SRPK1: variants seen among roughly 807,000 people sequenced by gnomAD.
SRPK1 encodes the protein SRSF protein kinase 1, also known as SFRS protein kinase 1.
SRPK1 carries 52 observed loss-of-function variants against 89.5 expected under a neutral mutation model. The ratio of observed to expected loss-of-function variants is 0.58; its 90% CI spans 0.46 to 0.73. The LOEUF (loss-of-function observed/expected upper bound fraction) is 0.73. Among genes scored for constraint, SRPK1 ranks in the 30% least tolerant of loss-of-function variants. SRPK1 has a pLI of 0.00. For missense variants in SRPK1, 603 were observed against 780.6 expected, an observed-to-expected ratio of 0.77 and a Z score of 2.71; for synonymous variants, 255 against 270.2, an observed-to-expected ratio of 0.94 and a Z score of 0.55.
chr6:35,886,914 C>A, intron 5 of SRPK1, 103 bp from the exon 6 acceptor site: 1 of 646,612 alleles, frequency 1.5e-6, no homozygotes. Flanking sequence ...AGAAAGAGCT[C>A]ACATAAATCT....
At chr6:35,864,591 T>C (rs1326188173) in intron 12 of SRPK1, among the ~76,000 whole-genome samples, 1 of 152,212 alleles carries the variant, frequency 6.6e-6, no homozygotes, top group Non-Finnish European at 1.5e-5. Flanking sequence ...CCTGCACTGA[T>C]GATAGGAATA....
intron 5 of SRPK1, chr6:35,887,817 G>T (rs575700204): frequency 7.3e-5 from 28 of 385,128 alleles, no homozygotes; most frequent in African/African-American, 5.0e-4. Context: ...CGTGTAAGAA[G>T]AATTCTCATC....
chr6:35,858,891 C>G (rs1769719656), intron 12 of SRPK1, among the ~76,000 whole-genome samples: 1 of 152,134 alleles, frequency 6.6e-6, no homozygotes, highest in Admixed American at 6.5e-5. Flanking sequence ...TAGAAGACTC[C>G]AGGTTCTAGG....
chr6:35,869,810 T>C lies in SRPK1; in HGVS notation c.1083A>G (p.Glu361=). Residue 361 remains glutamate, a synonymous_variant, in exon 11 of 16, where the codon GAA becomes GAG. Transcript: ENST00000373825. ...AAEINCNGVI[E]VINYTQNSNN... Reference sequence around the variant, plus strand: ...TACTGTTCTGAGTATAATTAATGACTTCAATCACTCCATTGCAATTAATTT... The same window carrying C: ...TACTGTTCTGAGTATAATTAATGACCTCAATCACTCCATTGCAATTAATTT... 6.2e-7 allele frequency: 1 copy of C among 1,613,594 alleles called. No individual in the cohort carries two copies. Among genetic ancestry groups the C allele is most frequent in the Non-Finnish European group, 8.5e-7 (1 of 1,179,664 alleles).
At chr6:35,899,137 A>G (rs1365959868) in intron 2 of SRPK1, among the ~76,000 whole-genome samples, 1 of 152,094 alleles carries the variant, frequency 6.6e-6, no homozygotes, top group Non-Finnish European at 1.5e-5. Flanking sequence ...CTCCAGCCTG[A>G]TGACAGAGCG....
chr6:35,912,586 C>T (rs1271303414), intron 2 of SRPK1, among the ~76,000 whole-genome samples: 1 of 152,178 alleles, frequency 6.6e-6, no homozygotes, highest in East Asian at 1.9e-4. Context: ...TTGAGGTGGT[C>T]TGGAACTGAA....
chr6:35,857,924 C>T (rs1320190062), intron 12 of SRPK1, among the ~76,000 whole-genome samples: 1 of 152,100 alleles, frequency 6.6e-6, no homozygotes, highest in Non-Finnish European at 1.5e-5. Context: ...TACTAGTTTT[C>T]TACCTGAAGT....
Position 35,921,093 on chromosome 6 carries a change from A to T in SRPK1, c.-37T>A. The T allele has an allele frequency of 6.8e-7, 1 of 1,473,366 alleles. No homozygotes were observed. 91.3% of individuals were successfully genotyped at this position (1,473,366 alleles called of 1,614,324 possible). The stretch of plus-strand genomic sequence containing the variant: ...TAATCGCCAGGCGCCTGCGCACTCG[A>T]GTGGCGGCGACTCCCGCTCCCGCCG... On this transcript the variant is annotated 5_prime_UTR_variant, in exon 1 of 16. Coordinates refer to ENST00000373825, the MANE Select transcript of SRPK1 (RefSeq NM_003137.5).
chr6:35,846,105 T>C (rs1247655444), intron 13 of SRPK1, among the ~76,000 whole-genome samples: 2 of 152,020 alleles, frequency 1.3e-5, no homozygotes, highest in Non-Finnish European at 2.9e-5. Flanking sequence ...CAATGGTATA[T>C]AGAGTTTCAG....
At chr6:35,883,218 G>A (rs1297212607) in intron 6 of SRPK1, among the ~76,000 whole-genome samples, 5 of 152,010 alleles carry the variant, frequency 3.3e-5, no homozygotes, top group South Asian at 2.1e-4. Flanking sequence ...GCAAAACCCC[G>A]TCTCTGCTAA....
intron 13 of SRPK1, among the ~76,000 whole-genome samples, chr6:35,853,522 T>C (rs1306714214): frequency 6.6e-6 from 1 of 151,346 alleles, no homozygotes; most frequent in African/African-American, 2.5e-5. Flanking sequence ...GATGACTGAA[T>C]ATTCTCTAGT....
chr6:35,834,003 G>C lies in SRPK1; in HGVS notation c.*1301C>G, dbSNP rs1411237114. 1 of 140,098 alleles carries C rather than the reference G, an allele frequency of 7.1e-6. No individual in the cohort carries two copies. Among genetic ancestry groups the C allele is most frequent in the Non-Finnish European group, 1.6e-5 (1 of 63,244 alleles). 8.7% of individuals were successfully genotyped at this position (140,098 alleles called of 1,614,324 possible). A position where few individuals can be genotyped will look rare whatever the true frequency, so the allele number is the denominator to read the frequency against. Reference sequence around the variant, plus strand: ...AATATTCTAGGTCAAGTCTAGGAGAGGCTCATCCTAAAAAAAAAATTGCAA... The same window carrying C: ...AATATTCTAGGTCAAGTCTAGGAGACGCTCATCCTAAAAAAAAAATTGCAA... On this transcript the variant is annotated 3_prime_UTR_variant, in exon 16 of 16. Transcript: ENST00000373825.
chr6:35,907,648 T>C, intron 2 of SRPK1, among the ~76,000 whole-genome samples: 1 of 151,600 alleles, frequency 6.6e-6, no homozygotes, highest in African/African-American at 2.4e-5. Context: ...GGGGTTGCAG[T>C]GAGCCGAGAT....
intron 13 of SRPK1, among the ~76,000 whole-genome samples, chr6:35,852,358 T>A (rs553490949): frequency 5.4e-4 from 82 of 152,292 alleles, no homozygotes; most frequent in African/African-American, 1.9e-3. Context: ...ATTACAGAAC[T>A]GTGAAAGAGA....
intron 6 of SRPK1, among the ~76,000 whole-genome samples, chr6:35,878,522 T>C (rs1049677566): frequency 2.6e-5 from 4 of 152,218 alleles, no homozygotes; most frequent in Admixed American, 1.3e-4. Flanking sequence ...ATAATTATTG[T>C]AAATGTTGGT....
intron 12 of SRPK1, among the ~76,000 whole-genome samples, chr6:35,858,322 C>T (rs946804819): frequency 2.0e-5 from 3 of 151,970 alleles, no homozygotes; most frequent in Admixed American, 6.6e-5. Flanking sequence ...TTCTTTTTAA[C>T]TGTGACACTT....
rs145219191 is a variant in SRPK1 at position 35,850,308 on chromosome 6, T to TA, written c.1620+6952dup. ...TTAGAAGTCTACTTACTGCTCGTCT[T>TA]AGATATGGAGAAGTAACATAATTAA... is the stretch of plus-strand genomic sequence containing the variant. On this transcript the variant is annotated intron_variant, in intron 13 of 15. Coordinates refer to ENST00000373825, the MANE Select transcript of SRPK1 (RefSeq NM_003137.5). Among the ~76,000 whole-genome samples, 5 of 152,236 alleles carry TA rather than the reference T, an allele frequency of 3.3e-5. No homozygotes were observed. In the East Asian group the frequency reaches 7.7e-4, roughly 24 times the overall value.
In SRPK1 at chr6:35,889,055, A is replaced by G. The variant is rs187569446; in HGVS notation, c.194-132T>C. 3.3e-3 allele frequency: 1,872 copies of G among 568,092 alleles called. 39 individuals are homozygous for G. The highest frequency in any genetic ancestry group is 0.025 in the South Asian group (1,139 of 45,716). The allele number at this position is 568,092 out of a possible 1,614,324, so 35.2% of individuals were successfully genotyped here. ...ATAAAAAGTTTCTTTTATACAATCA[A>G]TTCAACAGAAGAAAATCTTAATAGT... On this transcript the variant is annotated intron_variant, in intron 3 of 15. Transcript: ENST00000373825.
chr6:35,885,260 AAC>A (rs71540130), intron 6 of SRPK1, among the ~76,000 whole-genome samples: 8,302 of 111,678 alleles, frequency 0.074, 376 homozygotes, highest in East Asian at 0.21. Flanking sequence ...TAATTCTTTG[AAC>A]ACACACACAC....
Sources: gnomAD v4.1 joint callset for allele counts (sites outside exome capture counted in the v4.1 genomes callset) on GRCh38, gnomAD v4.1.1 for gene constraint, MANE v1.5 for transcripts, NCBI Gene and HGNC (gene_info 2026-07-23, HGNC 2026-07-21) for gene names.